CFTR: variants seen among roughly 807,000 people sequenced by gnomAD.
CFTR encodes cystic fibrosis transmembrane conductance regulator.
CFTR carries 181 observed loss-of-function variants against 171.6 expected under a neutral mutation model. That is an observed-to-expected ratio of 1.05 (90% CI 0.93 to 1.19). CFTR has a LOEUF of 1.19. Ranked by LOEUF, CFTR falls within the 50% of genes most tolerant of loss-of-function variation. CFTR has a pLI of 0.00. For missense variants in CFTR, 1,968 were observed against 1,734.7 expected (o/e 1.13, Z -2.39); for synonymous variants, 583 against 608.0 (o/e 0.96, Z 0.60).
chr7:117,560,240 C>T (rs1339716545), intron 11 of CFTR, among the ~76,000 whole-genome samples: 1 of 152,018 alleles, frequency 6.6e-6, no homozygotes, highest in Non-Finnish European at 1.5e-5. Flanking sequence ...CATTTCACAA[C>T]AATATTGGAG....
chr7:117,507,711 G>T (rs1798443714), intron 2 of CFTR, among the ~76,000 whole-genome samples: 1 of 152,184 alleles, frequency 6.6e-6, no homozygotes, highest in African/African-American at 2.4e-5. Flanking sequence ...GCTTCTAGGG[G>T]ATGCCAAGAT....
At chr7:117,664,524 T>C (rs1403546824) in intron 24 of CFTR, among the ~76,000 whole-genome samples, 164 bp from the exon 25 acceptor site, 1 of 152,214 alleles carries the variant, frequency 6.6e-6, no homozygotes, top group Non-Finnish European at 1.5e-5. Flanking sequence ...GTCAAGGTTG[T>C]AAATAGACTT....
Position 117,667,064 on chromosome 7 carries a change from C to T in CFTR, c.4399C>T (p.Leu1467=). ...KCKSKPQIAA[L]KEETEEEVQD... ...CAAGTCTAAGCCCCAGATTGCTGCT[C>T]TGAAAGAGGAGACAGAAGAAGAGGT... Residue 1467 remains leucine, a synonymous_variant, in exon 27 of 27, where the codon CTG becomes TTG. Transcript: ENST00000003084. The T allele has an allele frequency of 1.9e-6, 3 of 1,614,000 alleles. No individual in the cohort carries two copies. Among genetic ancestry groups the T allele is most frequent in the Non-Finnish European group, 2.5e-6 (3 of 1,179,964 alleles).
At chr7:117,523,153 GA>G (rs201153822) in intron 3 of CFTR, among the ~76,000 whole-genome samples, 3,027 of 152,214 alleles carry the variant, frequency 0.02, 73 homozygotes, top group Non-Finnish European at 0.022. Context: ...TTCGGTTGAG[GA>G]AAGATGACAA....
chr7:117,566,035 A>G (rs1030073450), intron 11 of CFTR, among the ~76,000 whole-genome samples: 5 of 152,190 alleles, frequency 3.3e-5, no homozygotes, highest in Admixed American at 6.5e-5. Context: ...TCAATCCACC[A>G]CTGTAGGAGA....
chr7:117,548,912 G>C, intron 10 of CFTR, 89 bp downstream of exon 10: 1 of 1,529,622 alleles, frequency 6.5e-7, no homozygotes. Flanking sequence ...AGGTATTTTT[G>C]GAGAAATTCT....
chr7:117,611,857 C>T, intron 20 of CFTR, 49 bp downstream of exon 20: 1 of 1,315,222 alleles, frequency 7.6e-7, no homozygotes, highest in Non-Finnish European at 1.1e-6. Flanking sequence ...AAAAAATTTT[C>T]AATGAATAAA....
At chr7:117,563,050 G>A (rs1047072260) in intron 11 of CFTR, among the ~76,000 whole-genome samples, 1 of 152,126 alleles carries the variant, frequency 6.6e-6, no homozygotes, top group East Asian at 1.9e-4. Flanking sequence ...TGGAAATGTA[G>A]ATATATCACT....
At position 117,645,600 on chromosome 7, in the gene CFTR, T is replaced by C. The variant is rs1792985887; in HGVS notation, c.3873+3007T>C. 3.3e-5 allele frequency among the ~76,000 whole-genome samples: 5 copies of C among 152,076 alleles called. 1 individual carries two copies. The highest frequency in any genetic ancestry group is 3.3e-4 in the Admixed American group (5 of 15,280). On this transcript the variant is annotated intron_variant, in intron 23 of 26. Transcript: ENST00000003084. ...TTCTACTGCAGTGCCTTCCTCATCT[T>C]TTCCCTTGCATCCCTCCATTATATG...
intron 1 of CFTR, among the ~76,000 whole-genome samples, chr7:117,493,418 T>C (rs544215141): frequency 6.6e-6 from 1 of 152,036 alleles, no homozygotes; most frequent in East Asian, 1.9e-4. Context: ...TGAGGTAGAG[T>C]CTTATTAATT....
At position 117,603,786 on chromosome 7, in the gene CFTR, C is replaced by A. The variant is rs372266030; in HGVS notation, c.2908+4C>A. 11 of 1,613,376 alleles carry A rather than the reference C, an allele frequency of 6.8e-6. No homozygotes were observed. In the East Asian group the frequency reaches 2.0e-4, roughly 29 times the overall value. Reference sequence around the variant, plus strand: ...ACCCTCAACACGTTGAAAGCAGGTACTTTACTAGGTCTAAGAAATGAAACT... The same window carrying A: ...ACCCTCAACACGTTGAAAGCAGGTAATTTACTAGGTCTAAGAAATGAAACT... On this transcript the variant is annotated splice_donor_region_variant and intron_variant, in intron 17 of 26. Transcript: ENST00000003084.
At chr7:117,557,597 C>T (rs34530771) in intron 10 of CFTR, among the ~76,000 whole-genome samples, 2,189 of 152,092 alleles carry the variant, frequency 0.014, 52 homozygotes, top group African/African-American at 0.05. Flanking sequence ...CTTATAATTA[C>T]ACTCTAGCAT....
chr7:117,653,137 C>A (rs1018815691), intron 24 of CFTR, among the ~76,000 whole-genome samples: 2 of 152,154 alleles, frequency 1.3e-5, no homozygotes, highest in Non-Finnish European at 2.9e-5. Flanking sequence ...GTAACTCATA[C>A]CAACACAAAT....
intron 10 of CFTR, among the ~76,000 whole-genome samples, chr7:117,556,519 T>C (rs1260333161): frequency 4.2e-5 from 5 of 118,946 alleles, no homozygotes; most frequent in South Asian, 6.2e-4. Context: ...TTTCTTTTTT[T>C]TTTTTTTTTT....
chr7:117,496,391 A>G (rs1798240413), intron 1 of CFTR, among the ~76,000 whole-genome samples: 1 of 152,054 alleles, frequency 6.6e-6, no homozygotes, highest in South Asian at 2.1e-4. Flanking sequence ...TTCTTTAGAG[A>G]CAGGGTCTTG....
At chr7:117,534,242 G>T (rs1262349215) in intron 4 of CFTR, 34 bp from the exon 5 acceptor site, 1 of 1,001,100 alleles carries the variant, frequency 1.0e-6, no homozygotes, top group South Asian at 1.3e-5. Context: ...TATTTTGTTT[G>T]TTGAAATTAT....
At chr7:117,622,837 T>A (rs992766762) in intron 21 of CFTR, among the ~76,000 whole-genome samples, 2 of 152,102 alleles carry the variant, frequency 1.3e-5, no homozygotes, top group African/African-American at 4.8e-5. Flanking sequence ...ACAAAGAAAA[T>A]CAAGAATTGT....
chr7:117,658,928 CAT>C lies in CFTR; in HGVS notation c.3964-5757_3964-5756del, dbSNP rs1269069974. On this transcript the variant is annotated intron_variant, in intron 24 of 26. Coordinates refer to ENST00000003084, the MANE Select transcript of CFTR (RefSeq NM_000492.4). The stretch of plus-strand genomic sequence containing the variant: ...CATCTGATCACTTGTTTCTTCCCTT[CAT>C]ATGGCTCCTTAATGCCTTCTGGACT... 2.0e-5 allele frequency among the ~76,000 whole-genome samples: 3 copies of C among 152,154 alleles called. No individual in the cohort carries two copies. The East Asian group carries it at 5.8e-4, about 29-fold the overall frequency.
chr7:117,603,489 G>A (rs747232218), intron 16 of CFTR, 43 bp from the exon 17 acceptor site: 3 of 1,611,762 alleles, frequency 1.9e-6, no homozygotes, highest in South Asian at 2.2e-5. Context: ...AATTCAGTAA[G>A]TAACTTTGGC....
Sources: gnomAD v4.1 joint callset for allele counts (sites outside exome capture counted in the v4.1 genomes callset) on GRCh38, gnomAD v4.1.1 for gene constraint, MANE v1.5 for transcripts, NCBI Gene and HGNC (gene_info 2026-07-23, HGNC 2026-07-21) for gene names.